Variants in RNF17 observed in about 807,000 individuals in gnomAD.
RNF17 encodes the protein ring finger protein 17, also known as spermatogenesis associated 23.
In RNF17, 31 loss-of-function variants were observed where a neutral mutation model predicts 200.5. The ratio of observed to expected loss-of-function variants is 0.15; its 90% CI spans 0.12 to 0.21. The LOEUF (loss-of-function observed/expected upper bound fraction) is 0.21, where lower values mean the gene tolerates loss of function less well. Among genes scored for constraint, RNF17 ranks in the 10% least tolerant of loss-of-function variants. The probability of loss-of-function intolerance (pLI) is 1.00; values close to 1 mark genes in which losing one functional copy is unlikely to be tolerated. For synonymous variants in RNF17, 606 were observed against 637.8 expected (o/e 0.95, Z 0.75); for missense variants, 1,628 against 1,905.1 (o/e 0.85, Z 2.71).
chr13:24,835,058 C>T (rs1388315723), intron 18 of RNF17, among the ~76,000 whole-genome samples: 1 of 152,092 alleles, frequency 6.6e-6, no homozygotes, highest in Non-Finnish European at 1.5e-5. Flanking sequence ...CATCATTCCC[C>T]CACTTCCCTG....
At chr13:24,856,170 C>A (rs540472741) in intron 25 of RNF17, among the ~76,000 whole-genome samples, 1 of 152,110 alleles carries the variant, frequency 6.6e-6, no homozygotes, top group South Asian at 2.1e-4. Context: ...CCTGTAATCC[C>A]AGCACTTTTG....
chr13:24,856,902 T>C (rs1219904450), intron 25 of RNF17, among the ~76,000 whole-genome samples: 2 of 152,214 alleles, frequency 1.3e-5, no homozygotes, highest in Non-Finnish European at 2.9e-5. Context: ...CTATTGTTTC[T>C]GTGGGAGACA....
the RNF17 span, among the ~76,000 whole-genome samples, chr13:24,755,701 A>G: frequency 6.6e-6 from 1 of 152,208 alleles, no homozygotes; most frequent in Non-Finnish European, 1.5e-5. Context: ...TAGACTTTGG[A>G]CAAGGTGTTC....
downstream of RNF17, among the ~76,000 whole-genome samples, chr13:24,884,714 C>T (rs1391987791): frequency 3.9e-5 from 6 of 152,112 alleles, no homozygotes; most frequent in African/African-American, 9.7e-5. Context: ...CTAAAGTAGA[C>T]TTTGTACAGG....
chr13:24,826,795 T>G (rs1888691692), intron 16 of RNF17, among the ~76,000 whole-genome samples: 2 of 146,222 alleles, frequency 1.4e-5, no homozygotes, highest in Non-Finnish European at 3.0e-5. Context: ...GTGCGGTGGC[T>G]CACGCCTGTA....
At chr13:24,858,865 AACACAC>A in intron 25 of RNF17, 130 bp from the exon 26 acceptor site, 2 of 594,646 alleles carry the variant, frequency 3.4e-6, no homozygotes, top group South Asian at 4.6e-5. Context: ...TATGTTTTAA[AACACAC>A]ACAGATTTTT....
chr13:24,832,086 G>A, intron 18 of RNF17, 108 bp downstream of exon 18: 1 of 748,662 alleles, frequency 1.3e-6, no homozygotes. Context: ...AGTAGTGGTG[G>A]TGAGAGATAA....
upstream of RNF17, chr13:24,764,159 G>A (rs765250513): frequency 1.4e-5 from 22 of 1,537,156 alleles, no homozygotes; most frequent in African/African-American, 1.9e-4. Context: ...CGCGAGGGCC[G>A]CCGGGACTCG....
intron 32 of RNF17, among the ~76,000 whole-genome samples, chr13:24,872,963 T>C (rs898001165): frequency 1.4e-5 from 2 of 142,604 alleles, no homozygotes; most frequent in African/African-American, 5.1e-5. Context: ...AGAAGTTGTT[T>C]GGGAGAACAG....
chr13:24,874,587 T>G (rs933591222), intron 33 of RNF17, among the ~76,000 whole-genome samples: 6 of 152,058 alleles, frequency 3.9e-5, no homozygotes, highest in Non-Finnish European at 8.8e-5. Flanking sequence ...TTTTTTTGTA[T>G]TTTTAGTAGA....
At chr13:24,843,350 C>G (rs9943906) in intron 19 of RNF17, among the ~76,000 whole-genome samples, 65,450 of 151,758 alleles carry the variant, frequency 0.43, 14,188 homozygotes, top group East Asian at 0.47. Flanking sequence ...AACCCCATCT[C>G]TACTAAAAAT....
downstream of RNF17, chr13:24,883,942 G>C (rs2275941): frequency 2.2e-3 from 3,523 of 1,613,986 alleles, 113 homozygotes; most frequent in East Asian, 0.062. Context: ...TGGTTTTTCT[G>C]TGAACATAAT....
intron 20 of RNF17, 91 bp downstream of exon 20, chr13:24,844,062 A>T (rs1289909105): frequency 2.3e-6 from 1 of 428,806 alleles, no homozygotes; most frequent in Non-Finnish European, 3.9e-6. Flanking sequence ...ATAAATGTAG[A>T]TTTTACTAGC....
chr13:24,874,329 TTTAAA>T (rs1894626024), intron 33 of RNF17, 80 bp downstream of exon 33: 2 of 1,273,778 alleles, frequency 1.6e-6, no homozygotes, highest in Admixed American at 2.8e-5. Context: ...TTTTGCCTCT[TTTAAA>T]AGAAAAGGGT....
At chr13:24,874,023 T>C (rs1449970256) in intron 32 of RNF17, 91 bp from the exon 33 acceptor site, 8 of 1,296,716 alleles carry the variant, frequency 6.2e-6, no homozygotes, top group Admixed American at 2.1e-5. Context: ...AAACATGGGG[T>C]ACAAGTAGCC....
intron 9 of RNF17, 63 bp downstream of exon 9, chr13:24,789,835 G>A: frequency 1.1e-6 from 1 of 922,176 alleles, no homozygotes; most frequent in South Asian, 1.4e-5. Context: ...TTATCTAAGA[G>A]ACAGAAGAAT....
chr13:24,753,473 AC>A, the RNF17 span, among the ~76,000 whole-genome samples: 1 of 152,106 alleles, frequency 6.6e-6, no homozygotes, highest in Admixed American at 6.6e-5. Context: ...CAGAGGGGGA[AC>A]CTTACCTGAT....
At chr13:24,882,933 C>T, downstream of RNF17, 1 of 501,214 alleles carries the variant, frequency 2.0e-6, no homozygotes, top group South Asian at 2.1e-5. Flanking sequence ...AAAACCTGTA[C>T]ACAATTTCTA....
chr13:24,763,523 G>T (rs113950333), upstream of RNF17, among the ~76,000 whole-genome samples: 2 of 151,906 alleles, frequency 1.3e-5, no homozygotes, highest in Admixed American at 6.6e-5. Flanking sequence ...GGCCCAGAAG[G>T]CTAATTCTTA....
Sources: allele counts gnomAD v4.1 joint callset (sites outside exome capture counted in the v4.1 genomes callset), GRCh38; gene constraint gnomAD v4.1.1; transcripts MANE v1.5; gene names NCBI Gene and HGNC (gene_info 2026-07-23, HGNC 2026-07-21).